JAM2: variants seen among roughly 807,000 people sequenced by gnomAD.
JAM2 encodes junctional adhesion molecule 2, also known as junctional adhesion molecule B.
A neutral mutation model predicts 42.0 loss-of-function variants in JAM2; 17 were observed. The ratio of observed to expected loss-of-function variants is 0.40; its 90% CI spans 0.28 to 0.61. JAM2 has a LOEUF of 0.61. JAM2 is among the 20% of genes least tolerant of loss of function. The pLI, the probability that JAM2 is intolerant of heterozygous loss-of-function variation, is 0.37. For synonymous variants in JAM2, 118 were observed against 128.6 expected (o/e 0.92, Z 0.56); for missense variants, 319 against 358.3 (o/e 0.89, Z 0.89).
At chr21:25,700,826 A>G (rs1568916517) in intron 5 of JAM2, among the ~76,000 whole-genome samples, 1 of 152,256 alleles carries the variant, frequency 6.6e-6, no homozygotes, top group East Asian at 1.9e-4. Context: ...CTGGCCTCTC[A>G]GCAGTCAGCA....
rs186912144 is a variant in JAM2, at chr21:25,675,224, G to A, written c.68-8659G>A. ...TGCTACACACTTTTTGGCCAGGCGC[G>A]GTGGCTTACACCTGTAATCCTAGCA... On this transcript the variant is annotated intron_variant, in intron 1 of 9. Coordinates refer to ENST00000480456, the MANE Select transcript of JAM2 (RefSeq NM_021219.4). Among the ~76,000 whole-genome samples the A allele has an allele frequency of 1.8e-4, 28 of 152,108 alleles. No homozygotes were observed. In the East Asian group the frequency reaches 2.9e-3, roughly 16 times the overall value.
intron 1 of JAM2, among the ~76,000 whole-genome samples, chr21:25,641,716 A>G (rs2032449595): frequency 2.0e-5 from 3 of 152,182 alleles, no homozygotes; most frequent in South Asian, 4.1e-4. Context: ...AATATCTTAC[A>G]TTAGTATGGT....
chr21:25,697,229 G>A (rs2034058358), intron 4 of JAM2, among the ~76,000 whole-genome samples: 1 of 151,770 alleles, frequency 6.6e-6, no homozygotes, highest in Non-Finnish European at 1.5e-5. Flanking sequence ...ATGTGATTAG[G>A]TCAAACCCAT....
At position 25,714,901 on chromosome 21, in the gene JAM2, G is replaced by C; in HGVS notation, c.*229G>C. The C allele has an allele frequency of 2.5e-6, 1 of 397,840 alleles. No individual in the cohort carries two copies. The allele number at this position is 397,840 out of a possible 1,614,324, so 24.6% of individuals were successfully genotyped here. On this transcript the variant is annotated 3_prime_UTR_variant, in exon 10 of 10. Coordinates refer to ENST00000480456, the MANE Select transcript of JAM2 (RefSeq NM_021219.4). ...TTCTTGTGTCTGGACTAAGTTAAAA[G>C]AATTAAAATACTTTGTAATGTCCTG... is the stretch of plus-strand genomic sequence containing the variant.
intron 1 of JAM2, among the ~76,000 whole-genome samples, chr21:25,646,421 G>A (rs984558427): frequency 7.9e-5 from 12 of 152,124 alleles, no homozygotes; most frequent in Admixed American, 2.0e-4. Flanking sequence ...TCTCCCACAC[G>A]TAAGTTTATT....
intron 7 of JAM2, among the ~76,000 whole-genome samples, chr21:25,706,344 G>A (rs1465969717): frequency 6.6e-6 from 1 of 152,070 alleles, no homozygotes; most frequent in African/African-American, 2.4e-5. Flanking sequence ...AACACACCCA[G>A]CTCATCTTTG....
intron 4 of JAM2, among the ~76,000 whole-genome samples, chr21:25,695,821 T>C (rs190658615): frequency 7.0e-6 from 1 of 142,572 alleles, no homozygotes; most frequent in Non-Finnish European, 1.5e-5. Flanking sequence ...GCTCCTCACA[T>C]CCCAGACCGG....
At chr21:25,651,888 A>G (rs1301256181) in intron 1 of JAM2, among the ~76,000 whole-genome samples, 1 of 152,254 alleles carries the variant, frequency 6.6e-6, no homozygotes, top group East Asian at 1.9e-4. Flanking sequence ...AACATGCTAC[A>G]TTTTGTGTAT....
intron 1 of JAM2, among the ~76,000 whole-genome samples, chr21:25,652,377 G>A (rs1372021847): frequency 2.0e-5 from 3 of 151,978 alleles, no homozygotes; most frequent in Non-Finnish European, 2.9e-5. Flanking sequence ...GGGTGACAGA[G>A]AAAGATGCTG....
intron 1 of JAM2, among the ~76,000 whole-genome samples, chr21:25,672,119 CT>C (rs1041482071): frequency 7.4e-4 from 108 of 145,570 alleles, no homozygotes; most frequent in Admixed American, 5.5e-4. Context: ...TTCTTTCTTT[CT>C]TTTTTTTTTT....
At chr21:25,660,986 G>C (rs752653128) in intron 1 of JAM2, among the ~76,000 whole-genome samples, 1 of 150,394 alleles carries the variant, frequency 6.6e-6, no homozygotes, top group Non-Finnish European at 1.5e-5. Context: ...GTAGAGACAG[G>C]AGTTTCACCA....
At chr21:25,674,774 C>T (rs1343303606) in intron 1 of JAM2, among the ~76,000 whole-genome samples, 1 of 151,262 alleles carries the variant, frequency 6.6e-6, no homozygotes, top group African/African-American at 2.4e-5. Flanking sequence ...CCCCTACTCT[C>T]TAAATCTAGT....
chr21:25,679,653 C>G (rs544592047), intron 1 of JAM2, among the ~76,000 whole-genome samples: 1 of 152,324 alleles, frequency 6.6e-6, no homozygotes, highest in South Asian at 2.1e-4. Flanking sequence ...TAGACCTCCC[C>G]TCTGGGGTTA....
chr21:25,709,548 T>C (rs1168326453), intron 8 of JAM2, 99 bp downstream of exon 8: 1 of 760,424 alleles, frequency 1.3e-6, no homozygotes, highest in Non-Finnish European at 2.2e-6. Flanking sequence ...GGGTTATTTG[T>C]GTAGGTTTAC....
At chr21:25,703,273 T>C (rs1436936801) in intron 6 of JAM2, among the ~76,000 whole-genome samples, 1 of 152,210 alleles carries the variant, frequency 6.6e-6, no homozygotes, top group African/African-American at 2.4e-5. Flanking sequence ...AGGAATCATA[T>C]CCAGGAAGTC....
chr21:25,652,064 C>A (rs1468123810), intron 1 of JAM2, among the ~76,000 whole-genome samples: 1 of 151,956 alleles, frequency 6.6e-6, no homozygotes, highest in Non-Finnish European at 1.5e-5. Flanking sequence ...AATAGCCTTC[C>A]CTAAAAATGG....
chr21:25,654,908 G>C (rs2032888257), intron 1 of JAM2, among the ~76,000 whole-genome samples: 1 of 152,172 alleles, frequency 6.6e-6, no homozygotes, highest in African/African-American at 2.4e-5. Flanking sequence ...AACAAAGGGG[G>C]AGAGAGGAAA....
chr21:25,679,146 G>A (rs1045250867), intron 1 of JAM2, among the ~76,000 whole-genome samples: 3 of 152,184 alleles, frequency 2.0e-5, no homozygotes, highest in African/African-American at 4.8e-5. Context: ...CCAGAATAGC[G>A]TGTGCTCCTT....
intron 2 of JAM2, among the ~76,000 whole-genome samples, chr21:25,689,213 G>A (rs760254302): frequency 6.6e-6 from 1 of 152,124 alleles, no homozygotes; most frequent in African/African-American, 2.4e-5. Flanking sequence ...GGTTATATAG[G>A]CAGTTGTTTG....
Sources: allele counts gnomAD v4.1 joint callset (sites outside exome capture counted in the v4.1 genomes callset), GRCh38; gene constraint gnomAD v4.1.1; transcripts MANE v1.5; gene names NCBI Gene and HGNC (gene_info 2026-07-23, HGNC 2026-07-21).